Variants in SUGCT observed in about 807,000 individuals in gnomAD.
SUGCT encodes the protein succinyl-CoA:glutarate-CoA transferase, also known as succinyl-CoA:glutarate CoA-transferase.
Under a neutral mutation model 55.0 loss-of-function variants are expected in SUGCT, and 41 were observed. The observed-to-expected ratio is 0.74, with a 90% confidence interval of 0.58 to 0.97. The LOEUF is 0.97. Ranked by LOEUF, SUGCT falls within the 50% of genes least tolerant of loss-of-function variation. The probability of loss-of-function intolerance (pLI) is 0.00; values close to 1 mark genes in which losing one functional copy is unlikely to be tolerated. For synonymous variants in SUGCT, 187 were observed against 200.4 expected (o/e 0.93, Z 0.56); for missense variants, 568 against 547.8 (o/e 1.04, Z -0.37).
chr7:40,893,503 G>A, the SUGCT span, among the ~76,000 whole-genome samples: 2 of 152,042 alleles, frequency 1.3e-5, no homozygotes, highest in Admixed American at 6.6e-5. Flanking sequence ...TTCTGACCAC[G>A]ATTGTATCAA....
intron 12 of SUGCT, among the ~76,000 whole-genome samples, chr7:40,597,100 G>C (rs1200237366): frequency 6.6e-6 from 1 of 152,186 alleles, no homozygotes; most frequent in African/African-American, 2.4e-5. Flanking sequence ...AAGTAGGTAA[G>C]AAGATAGGAA....
chr7:40,841,733 A>T (rs1793290899), intron 13 of SUGCT, among the ~76,000 whole-genome samples: 1 of 152,178 alleles, frequency 6.6e-6, no homozygotes, highest in Non-Finnish European at 1.5e-5. Context: ...TGTGGAAAGA[A>T]ATGTCTTCCC....
At chr7:40,798,735 G>C (rs1790672042) in intron 13 of SUGCT, among the ~76,000 whole-genome samples, 1 of 129,008 alleles carries the variant, frequency 7.8e-6, no homozygotes, top group Non-Finnish European at 1.8e-5. Flanking sequence ...CCTACTGTAA[G>C]TGCAGGAAGT....
At chr7:40,624,813 G>A (rs6964059) in intron 12 of SUGCT, among the ~76,000 whole-genome samples, 7,781 of 91,928 alleles carry the variant, frequency 0.085, 675 homozygotes, top group African/African-American at 0.32. Flanking sequence ...ACACACACAC[G>A]CACACCACAA....
At chr7:40,556,846 T>C (rs1358409424) in intron 12 of SUGCT, among the ~76,000 whole-genome samples, 1 of 152,212 alleles carries the variant, frequency 6.6e-6, no homozygotes, top group African/African-American at 2.4e-5. Flanking sequence ...AAAAATTGCG[T>C]TGAATGACAT....
Position 40,684,268 on chromosome 7 carries a change from A to T in SUGCT, c.1090-65166A>T. The stretch of plus-strand genomic sequence containing the variant: ...TTCATTTACATCACAGGTTTCAGGG[A>T]TTAGGACATAGCATCTTTGGGGAGC... On this transcript the variant is annotated intron_variant, in intron 12 of 13. Transcript: ENST00000335693. 3 of 1,286,016 alleles carry T rather than the reference A, an allele frequency of 2.3e-6. No homozygotes were observed. The East Asian group carries it at 8.1e-5, about 35-fold the overall frequency. The allele number at this position is 1,286,016 out of a possible 1,614,324, so 79.7% of individuals were successfully genotyped here. A position where few individuals can be genotyped will look rare whatever the true frequency, so the allele number is the denominator to read the frequency against.
chr7:40,444,663 C>A (rs1030193704), intron 9 of SUGCT, among the ~76,000 whole-genome samples: 1 of 152,172 alleles, frequency 6.6e-6, no homozygotes, highest in Non-Finnish European at 1.5e-5. Context: ...ATCATGTCAT[C>A]TGCAAACAGG....
chr7:40,601,309 G>A (rs1798276855), intron 12 of SUGCT, among the ~76,000 whole-genome samples: 1 of 152,164 alleles, frequency 6.6e-6, no homozygotes, highest in Non-Finnish European at 1.5e-5. Context: ...GAAGTTCCTA[G>A]CTCATTTGAT....
At chr7:41,016,000 C>T in the SUGCT span, among the ~76,000 whole-genome samples, 1 of 152,134 alleles carries the variant, frequency 6.6e-6, no homozygotes, top group Admixed American at 6.5e-5. Flanking sequence ...CAGTGAACCA[C>T]AAATGATTTT....
At chr7:40,184,835 TAA>T (rs1785407558) in intron 3 of SUGCT, among the ~76,000 whole-genome samples, 1 of 152,326 alleles carries the variant, frequency 6.6e-6, no homozygotes, top group East Asian at 1.9e-4. Context: ...GATAGCCATA[TAA>T]AGTAGAATAT....
chr7:40,306,463 C>G (rs183526887), intron 8 of SUGCT, among the ~76,000 whole-genome samples: 5 of 152,240 alleles, frequency 3.3e-5, no homozygotes, highest in Non-Finnish European at 5.9e-5. Context: ...ATTTTGGGAT[C>G]TCCCACTACA....
intron 11 of SUGCT, among the ~76,000 whole-genome samples, chr7:40,461,038 G>A (rs1202131553): frequency 2.0e-5 from 3 of 152,074 alleles, no homozygotes; most frequent in Non-Finnish European, 2.9e-5. Flanking sequence ...CTGCTAGTGC[G>A]CTGACATTTT....
At chr7:40,147,071 ACTCT>A (rs1024235570) in intron 1 of SUGCT, among the ~76,000 whole-genome samples, 10 of 121,142 alleles carry the variant, frequency 8.3e-5, no homozygotes, top group East Asian at 2.4e-4. Context: ...CTTTCTCCTC[ACTCT>A]CTCTCTCTCT....
chr7:40,191,308 C>T (rs796653257), intron 5 of SUGCT, among the ~76,000 whole-genome samples: 19 of 152,220 alleles, frequency 1.2e-4, no homozygotes, highest in African/African-American at 4.3e-4. Context: ...TGAGCTACCG[C>T]GCCTGGCCTC....
intron 7 of SUGCT, among the ~76,000 whole-genome samples, chr7:40,262,407 T>C (rs565644923): frequency 3.3e-5 from 5 of 151,280 alleles, no homozygotes; most frequent in East Asian, 1.9e-4. Flanking sequence ...TCTCAGCACT[T>C]TGGGAGGCCG....
intron 8 of SUGCT, among the ~76,000 whole-genome samples, chr7:40,275,642 T>A (rs1792418193): frequency 6.6e-6 from 1 of 152,156 alleles, no homozygotes; most frequent in African/African-American, 2.4e-5. Context: ...CCTACATTTA[T>A]AATAGAATAA....
chr7:40,501,689 C>A (rs1331215659), intron 12 of SUGCT, among the ~76,000 whole-genome samples: 1 of 151,942 alleles, frequency 6.6e-6, no homozygotes, highest in African/African-American at 2.4e-5. Flanking sequence ...TGTGTATGGT[C>A]TTGTGTTTGG....
At chr7:40,755,376 C>T (rs1788201934) in intron 13 of SUGCT, among the ~76,000 whole-genome samples, 1 of 152,142 alleles carries the variant, frequency 6.6e-6, no homozygotes, top group African/African-American at 2.4e-5. Context: ...TTGTTAATTA[C>T]AGAAATTTAA....
chr7:40,417,015 T>TA lies in SUGCT; in HGVS notation c.817-32271dup, dbSNP rs1787039516. Among the ~76,000 whole-genome samples, 5 of 152,170 alleles carry TA rather than the reference T, an allele frequency of 3.3e-5. No homozygotes were observed. In the South Asian group the frequency reaches 1.0e-3, roughly 32 times the overall value. On this transcript the variant is annotated intron_variant, in intron 9 of 13. Transcript: ENST00000335693. ...TTTCTAGAGAATTATCCACTAATGC[T>TA]AGGCTTTCGAATATGTCATCATAGA...
Sources: allele counts gnomAD v4.1 joint callset (sites outside exome capture counted in the v4.1 genomes callset), GRCh38; gene constraint gnomAD v4.1.1; transcripts MANE v1.5; gene names NCBI Gene and HGNC (gene_info 2026-07-23, HGNC 2026-07-21).